The following AR variants were observed in gnomAD, a reference collection of about 807,000 sequenced individuals.
The protein encoded by AR is androgen receptor, also known as dihydrotestosterone receptor.
A neutral mutation model predicts 53.9 loss-of-function variants in AR; 8 were observed. That is an observed-to-expected ratio of 0.15 (90% CI 0.09 to 0.27). The LOEUF is 0.27. Among genes scored for constraint, AR ranks in the 10% least tolerant of loss-of-function variants. The probability of loss-of-function intolerance (pLI) is 1.00; values close to 1 mark genes in which losing one functional copy is unlikely to be tolerated. For missense variants in AR, 639 were observed against 742.5 expected (o/e 0.86, Z 1.62); for synonymous variants, 359 against 316.4 (o/e 1.13, Z -1.43).
intron 4 of AR, among the ~76,000 whole-genome samples, chrX:67,716,879 C>A (rs181711397): frequency 8.8e-4 from 98 of 111,926 alleles, no homozygotes; most frequent in African/African-American, 2.2e-3. Flanking sequence ...GTGAAGTGAT[C>A]AAGAGCACAG....
At chrX:67,552,571 C>T (rs1232842370) in intron 1 of AR, among the ~76,000 whole-genome samples, 2 of 112,478 alleles carry the variant, frequency 1.8e-5, no homozygotes, top group African/African-American at 6.5e-5. Context: ...ATTGAAATCT[C>T]TGAGTCATAT....
intron 2 of AR, among the ~76,000 whole-genome samples, chrX:67,672,113 CT>C (rs2075869132): frequency 9.0e-6 from 1 of 111,485 alleles, no homozygotes; most frequent in African/African-American, 3.3e-5. Context: ...CTCACCCTCT[CT>C]CAACACCCCA....
intron 1 of AR, among the ~76,000 whole-genome samples, chrX:67,631,839 T>G (rs564405231): frequency 7.1e-5 from 8 of 112,085 alleles, no homozygotes; most frequent in South Asian, 3.7e-4. Flanking sequence ...CTTTCTGTTT[T>G]TTAGTTTTCC....
chrX:67,644,203 G>A (rs1227932114), intron 2 of AR, among the ~76,000 whole-genome samples: 1 of 111,808 alleles, frequency 8.9e-6, no homozygotes, highest in African/African-American at 3.2e-5. Flanking sequence ...ATACGGTAAT[G>A]TCTCCTTCCT....
intron 1 of AR, among the ~76,000 whole-genome samples, chrX:67,551,272 G>A (rs1210329650): frequency 9.1e-6 from 1 of 110,013 alleles, no homozygotes; most frequent in Non-Finnish European, 1.9e-5. Flanking sequence ...ATATGCATAT[G>A]AGGGTGCGTG....
intron 1 of AR, among the ~76,000 whole-genome samples, chrX:67,627,718 A>G (rs1057084555): frequency 3.6e-5 from 4 of 111,825 alleles, no homozygotes; most frequent in Non-Finnish European, 3.8e-5. Context: ...GCCCATGCCT[A>G]TGTCCTGAAT....
intron 3 of AR, among the ~76,000 whole-genome samples, chrX:67,697,530 G>A (rs1225445401): frequency 9.0e-6 from 1 of 111,290 alleles, no homozygotes; most frequent in East Asian, 2.8e-4. Context: ...TGCCCAACAT[G>A]GAAGGTTATA....
intron 1 of AR, among the ~76,000 whole-genome samples, chrX:67,586,436 A>G (rs1340226612): frequency 1.8e-5 from 2 of 111,587 alleles, no homozygotes; most frequent in Non-Finnish European, 3.8e-5. Flanking sequence ...ATTTATACCA[A>G]CTTTGTCTGT....
intron 1 of AR, among the ~76,000 whole-genome samples, chrX:67,550,600 T>C (rs959525538): frequency 9.2e-6 from 1 of 108,358 alleles, no homozygotes; most frequent in African/African-American, 3.4e-5. Flanking sequence ...GCGGACTGGG[T>C]GTGGCAAAGC....
At chrX:67,710,366 C>T (rs1362934070) in intron 3 of AR, among the ~76,000 whole-genome samples, 3 of 111,239 alleles carry the variant, frequency 2.7e-5, no homozygotes, top group Non-Finnish European at 5.7e-5. Context: ...GTCACCCAGG[C>T]TAGAGCATCA....
chrX:67,617,610 G>A (rs1172591071), intron 1 of AR, among the ~76,000 whole-genome samples: 1 of 111,774 alleles, frequency 8.9e-6, no homozygotes, highest in Non-Finnish European at 1.9e-5. Flanking sequence ...CTTGACTCAT[G>A]TATTTGCCTC....
chrX:67,702,949 A>G (rs2076048771), intron 3 of AR, among the ~76,000 whole-genome samples: 2 of 111,350 alleles, frequency 1.8e-5, no homozygotes, highest in African/African-American at 6.5e-5. Flanking sequence ...GTGGTAGTGT[A>G]CAACTCTGGT....
At chrX:67,627,181 T>G (rs745630203) in intron 1 of AR, among the ~76,000 whole-genome samples, 2 of 111,529 alleles carry the variant, frequency 1.8e-5, no homozygotes, top group East Asian at 5.7e-4. Context: ...GTATTTCTAG[T>G]TCTAGATCCC....
At chrX:67,696,162 C>A in intron 3 of AR, 4 of 695,817 alleles carry the variant, frequency 5.7e-6, no homozygotes, top group Non-Finnish European at 6.6e-6. Context: ...CCTTTTTTTT[C>A]TCTCTCGTTT....
At chrX:67,697,796 C>T (rs761973446) in intron 3 of AR, among the ~76,000 whole-genome samples, 28 of 111,668 alleles carry the variant, frequency 2.5e-4, no homozygotes, top group African/African-American at 8.8e-4. Context: ...TTCCATAAGA[C>T]TCTGAATACC....
At chrX:67,631,091 C>A (rs1427151413) in intron 1 of AR, among the ~76,000 whole-genome samples, 1 of 111,295 alleles carries the variant, frequency 9.0e-6, no homozygotes, top group Non-Finnish European at 1.9e-5. Context: ...TTCATTTCAA[C>A]TTTTTTGAAT....
chrX:67,651,913 T>C (rs1463959219), intron 2 of AR, among the ~76,000 whole-genome samples: 1 of 111,776 alleles, frequency 8.9e-6, no homozygotes, highest in Non-Finnish European at 1.9e-5. Context: ...CACACGACTA[T>C]AGAACAGGAA....
At chrX:67,663,763 A>G (rs943167313) in intron 2 of AR, among the ~76,000 whole-genome samples, 1 of 112,277 alleles carries the variant, frequency 8.9e-6, no homozygotes, top group Non-Finnish European at 1.9e-5. Context: ...CAGGTACACC[A>G]ATCAGACATA....
chrX:67,635,007 CCTCT>C (rs1309398784), intron 1 of AR, among the ~76,000 whole-genome samples: 1 of 107,381 alleles, frequency 9.3e-6, no homozygotes, highest in Non-Finnish European at 1.9e-5. Context: ...TGTCTCTTCC[CCTCT>C]CTCTCCCTCC....
Sources: gnomAD v4.1 joint callset for allele counts (sites outside exome capture counted in the v4.1 genomes callset) on GRCh38, gnomAD v4.1.1 for gene constraint, MANE v1.5 for transcripts, NCBI Gene and HGNC (gene_info 2026-07-23, HGNC 2026-07-21) for gene names.